The following LRRC4C variants were observed in gnomAD, a reference collection of about 807,000 sequenced individuals.
LRRC4C encodes leucine-rich repeat-containing protein 4C.
LRRC4C carries 5 observed loss-of-function variants against 33.6 expected under a neutral mutation model. The observed-to-expected ratio is 0.15, with a 90% CI of 0.08 to 0.31. LRRC4C has a LOEUF of 0.31. LRRC4C is among the 10% of genes least tolerant of loss of function. LRRC4C has a pLI of 1.00. For synonymous variants in LRRC4C, 329 were observed against 302.0 expected (o/e 1.09, Z -0.93); for missense variants, 560 against 796.7 (o/e 0.70, Z 3.58).
At chr11:40,651,405 A>G (rs1277174795) in intron 2 of LRRC4C, among the ~76,000 whole-genome samples, 1 of 152,132 alleles carries the variant, frequency 6.6e-6, no homozygotes, top group East Asian at 1.9e-4. Context: ...CCTGAATTAC[A>G]TGGGAGAATG....
intron 4 of LRRC4C, among the ~76,000 whole-genome samples, chr11:40,270,011 G>A (rs1942568800): frequency 6.6e-6 from 1 of 152,146 alleles, no homozygotes; most frequent in Non-Finnish European, 1.5e-5. Flanking sequence ...TTACAGCTAA[G>A]GCTTCTCCTG....
intron 3 of LRRC4C, among the ~76,000 whole-genome samples, chr11:40,456,620 A>G (rs1214052047): frequency 6.6e-6 from 1 of 152,028 alleles, no homozygotes; most frequent in African/African-American, 2.4e-5. Context: ...ATAGAAAAAA[A>G]TGTTCACAAG....
chr11:40,124,173 G>T (rs1414913311), intron 6 of LRRC4C, among the ~76,000 whole-genome samples: 1 of 152,136 alleles, frequency 6.6e-6, no homozygotes, highest in Non-Finnish European at 1.5e-5. Context: ...AGTAACAAAT[G>T]CTGGTGAGGA....
At chr11:40,401,783 T>C (rs184876883) in intron 3 of LRRC4C, among the ~76,000 whole-genome samples, 1 of 152,284 alleles carries the variant, frequency 6.6e-6, no homozygotes, top group African/African-American at 2.4e-5. Flanking sequence ...ATGAGGATGC[T>C]GTGTATAAAT....
At chr11:40,727,045 A>G (rs1476503377) in intron 2 of LRRC4C, among the ~76,000 whole-genome samples, 1 of 152,132 alleles carries the variant, frequency 6.6e-6, no homozygotes, top group Non-Finnish European at 1.5e-5. Flanking sequence ...TTTAACCAAG[A>G]AGGAAAAACA....
chr11:40,848,473 C>A (rs963943179), intron 2 of LRRC4C, among the ~76,000 whole-genome samples: 1 of 151,990 alleles, frequency 6.6e-6, no homozygotes, highest in Non-Finnish European at 1.5e-5. Flanking sequence ...TTTCTTAATT[C>A]TGAGTTCTAA....
chr11:40,276,445 T>C (rs1195621353), intron 4 of LRRC4C, among the ~76,000 whole-genome samples: 2 of 152,138 alleles, frequency 1.3e-5, no homozygotes, highest in Admixed American at 6.6e-5. Flanking sequence ...AAAGCTACGG[T>C]TATATTCTTT....
intron 2 of LRRC4C, among the ~76,000 whole-genome samples, chr11:40,917,388 C>T (rs1020441921): frequency 3.3e-5 from 5 of 152,140 alleles, no homozygotes; most frequent in African/African-American, 9.6e-5. Flanking sequence ...GCAGGACCTT[C>T]AGCTTCTGCA....
intron 1 of LRRC4C, among the ~76,000 whole-genome samples, chr11:41,097,895 C>T (rs771135964): frequency 1.3e-5 from 2 of 152,084 alleles, no homozygotes; most frequent in Non-Finnish European, 2.9e-5. Flanking sequence ...TTTTAACACA[C>T]CCCCATGCCC....
chr11:40,459,855 C>T lies in LRRC4C; in HGVS notation c.-269-140134G>A, dbSNP rs538179747. 9.2e-5 allele frequency among the ~76,000 whole-genome samples: 14 copies of T among 152,280 alleles called. 1 individual carries two copies. Among genetic ancestry groups the T allele is most frequent in the African/African-American group, 2.9e-4 (12 of 41,558 alleles). ...CCTGTGTGCGTGCTGGCTACCTTTTCGCCCCTCAAGTTTTGCTAGGTGAAC... is the reference window on the plus strand; with the variant it reads ...CCTGTGTGCGTGCTGGCTACCTTTTTGCCCCTCAAGTTTTGCTAGGTGAAC... On this transcript the variant is annotated intron_variant, in intron 3 of 6. Coordinates refer to ENST00000528697, the MANE Select transcript of LRRC4C (RefSeq NM_001258419.2).
At chr11:41,177,251 T>C (rs1945245787) in intron 1 of LRRC4C, among the ~76,000 whole-genome samples, 1 of 152,158 alleles carries the variant, frequency 6.6e-6, no homozygotes, top group African/African-American at 2.4e-5. Flanking sequence ...TGTATGTTCA[T>C]CAACGGGGAA....
At chr11:40,567,708 G>A (rs1028983297) in intron 3 of LRRC4C, among the ~76,000 whole-genome samples, 1 of 152,160 alleles carries the variant, frequency 6.6e-6, no homozygotes, top group African/African-American at 2.4e-5. Flanking sequence ...ATAATGCTGG[G>A]TTAATGGTCT....
rs79461009 is a variant in LRRC4C at position 40,579,286 on chromosome 11, A to C, written c.-270+68856T>G. On this transcript the variant is annotated intron_variant, in intron 3 of 6. Coordinates refer to ENST00000528697, the MANE Select transcript of LRRC4C (RefSeq NM_001258419.2). ...AGGCAGAGGTTGCAGTGAGCTGAGC[A>C]CTGCTTTCCGGTATGGGCAACAGAG... Among the ~76,000 whole-genome samples the C allele has an allele frequency of 3.6e-3, 543 of 151,884 alleles. 2 individuals carry two copies. Among genetic ancestry groups the C allele is most frequent in the Non-Finnish European group, 5.9e-3 (403 of 67,952 alleles).
intron 1 of LRRC4C, among the ~76,000 whole-genome samples, chr11:41,085,746 G>A (rs981749391): frequency 3.3e-5 from 5 of 151,938 alleles, no homozygotes; most frequent in Non-Finnish European, 1.5e-5. Flanking sequence ...TCAAGAGATT[G>A]TAACTCTCCC....
At chr11:41,349,850 A>G (rs2137555365) in intron 1 of LRRC4C, among the ~76,000 whole-genome samples, 1 of 152,338 alleles carries the variant, frequency 6.6e-6, no homozygotes, top group Non-Finnish European at 1.5e-5. Flanking sequence ...TAATTCTTAT[A>G]AGAACAATAA....
chr11:41,183,203 C>T (rs910718185), intron 1 of LRRC4C, among the ~76,000 whole-genome samples: 2 of 152,140 alleles, frequency 1.3e-5, no homozygotes, highest in African/African-American at 4.8e-5. Context: ...CATGTCTTCA[C>T]ATTTCAAAAC....
At position 40,795,200 on chromosome 11, in the gene LRRC4C, C is replaced by T. The variant is rs188840532; in HGVS notation, c.-407+138435G>A. Reference sequence around the variant, plus strand: ...AGGCAGTAATTGCCAGACATAGAATCTTTACTTCTCCACATCCATATATGC... The same window carrying T: ...AGGCAGTAATTGCCAGACATAGAATTTTTACTTCTCCACATCCATATATGC... On this transcript the variant is annotated intron_variant, in intron 2 of 6. Coordinates refer to ENST00000528697, the MANE Select transcript of LRRC4C (RefSeq NM_001258419.2). Among the ~76,000 whole-genome samples, 17 of 152,244 alleles carry T rather than the reference C, an allele frequency of 1.1e-4. No individual in the cohort carries two copies. In the East Asian group the frequency reaches 3.1e-3, roughly 28 times the overall value.
chr11:40,978,472 C>T (rs2137069956), intron 1 of LRRC4C, among the ~76,000 whole-genome samples: 1 of 152,236 alleles, frequency 6.6e-6, no homozygotes, highest in South Asian at 2.1e-4. Context: ...CTACTGTTTT[C>T]TAGTAGGTAG....
rs1256099038 is a variant in LRRC4C, at chr11:40,257,012, A to G, written c.-175-15414T>C. Among the ~76,000 whole-genome samples, 4 of 152,298 alleles carry G rather than the reference A, an allele frequency of 2.6e-5. No homozygotes were observed. In the East Asian group the frequency reaches 7.7e-4, roughly 29 times the overall value. On this transcript the variant is annotated intron_variant, in intron 4 of 6. Coordinates refer to ENST00000528697, the MANE Select transcript of LRRC4C (RefSeq NM_001258419.2). ...TATTTCATTAATGCAGGCACTTTCC[A>G]TTAATTTGGATACTGTTTAAGAATG...
Sources: gnomAD v4.1 joint callset for allele counts (sites outside exome capture counted in the v4.1 genomes callset) on GRCh38, gnomAD v4.1.1 for gene constraint, MANE v1.5 for transcripts, NCBI Gene and HGNC (gene_info 2026-07-23, HGNC 2026-07-21) for gene names.